Variants in CELF2 observed in about 807,000 individuals in gnomAD.
CELF2 encodes the protein CUG triplet repeat RNA-binding protein 2.
Under a neutral mutation model 62.6 loss-of-function variants are expected in CELF2, and 8 were observed. That is an observed-to-expected ratio of 0.13 (90% CI 0.07 to 0.23). CELF2 has a LOEUF of 0.23. Among genes scored for constraint, CELF2 ranks in the 10% least tolerant of loss-of-function variants. The pLI is 1.00. For synonymous variants in CELF2, 258 were observed against 250.0 expected, an observed-to-expected ratio of 1.03 and a Z score of -0.30; for missense variants, 333 against 671.0, an observed-to-expected ratio of 0.50 and a Z score of 5.56.
the CELF2 span, among the ~76,000 whole-genome samples, chr10:10,753,135 G>A: frequency 6.6e-6 from 1 of 152,194 alleles, no homozygotes; most frequent in Non-Finnish European, 1.5e-5. Context: ...ATTGCTTGGT[G>A]AAATGTTTGT....
chr10:11,090,170 T>A (rs12243695), intron 1 of CELF2, among the ~76,000 whole-genome samples: 9,906 of 146,612 alleles, frequency 0.068, 1,090 homozygotes, highest in African/African-American at 0.23. Flanking sequence ...AATCCCTGAA[T>A]CTAAAATGAA....
At chr10:10,679,062 G>C in the CELF2 span, among the ~76,000 whole-genome samples, 1 of 152,124 alleles carries the variant, frequency 6.6e-6, no homozygotes, top group Admixed American at 6.5e-5. Context: ...GGGATTTCAG[G>C]AGAGTTTTGT....
In CELF2 at chr10:10,997,224, G is replaced by A. The variant is rs1341945844; in HGVS notation, c.89+77225G>A. Among the ~76,000 whole-genome samples the A allele has an allele frequency of 2.0e-5, 3 of 152,164 alleles. No homozygotes were observed. Among genetic ancestry groups the A allele is most frequent in the Non-Finnish European group, 4.4e-5 (3 of 68,034 alleles). On this transcript the variant is annotated intron_variant, in intron 2 of 13. Coordinates refer to the CELF2 transcript ENST00000636488. The surrounding 1 kb of genome is among the most constrained non-coding windows in gnomAD (Gnocchi z 5.3). The stretch of plus-strand genomic sequence containing the variant: ...TGTGGGTGATAATGCAGATTTACGG[G>A]ATGGCTCTCATAGCTAAGTGATGCA...
At position 11,039,418 on chromosome 10, in the gene CELF2, C is replaced by A. The variant is rs2061461904; in HGVS notation, c.74+21255C>A. Among the ~76,000 whole-genome samples the A allele has an allele frequency of 6.6e-6, 1 of 152,194 alleles. No homozygotes were observed. The highest frequency in any genetic ancestry group is 2.4e-5 in the African/African-American group (1 of 41,436). ...TTTGGACTATTCCTCCAACCTACTT[C>A]TTATGCTGGTTGTGTGAATTATACC... On this transcript the variant is annotated intron_variant, in intron 1 of 12. Coordinates refer to ENST00000633077, the MANE Select transcript of CELF2 (RefSeq NM_001326342.2). The surrounding 1 kb of genome is among the most constrained non-coding windows in gnomAD (Gnocchi z 4.1).
At chr10:10,986,453 G>A (rs1038640999) in intron 2 of CELF2, among the ~76,000 whole-genome samples, 7 of 152,090 alleles carry the variant, frequency 4.6e-5, no homozygotes, top group South Asian at 2.1e-4. Context: ...AGATAAATGC[G>A]TTACATTAAA....
At chr10:10,925,405 A>T (rs894438922) in intron 2 of CELF2, among the ~76,000 whole-genome samples, 2 of 151,920 alleles carry the variant, frequency 1.3e-5, no homozygotes, top group Admixed American at 6.6e-5. Context: ...CACTAAGTAT[A>T]TGCCAAGCAT....
At position 10,993,421 on chromosome 10, in the gene CELF2, C is replaced by T. The variant is rs1439600235; in HGVS notation, c.89+73422C>T. Among the ~76,000 whole-genome samples the T allele has an allele frequency of 1.3e-5, 2 of 152,006 alleles. No individual in the cohort carries two copies. ...TTTGAACTGCAACTGTAAGGATGAG[C>T]AGGAGTTAACTGGGAAGGGGAAATG... On this transcript the variant is annotated intron_variant, in intron 2 of 13. Coordinates refer to the CELF2 transcript ENST00000636488. This position sits in a 1 kb window ranked among gnomAD's most constrained non-coding sequence, Gnocchi z 5.3.
the CELF2 span, among the ~76,000 whole-genome samples, chr10:10,573,159 G>A: frequency 6.6e-6 from 1 of 152,202 alleles, no homozygotes. Flanking sequence ...CTTTTGAGAA[G>A]TGTAGGTTCA....
At position 10,986,183 on chromosome 10, in the gene CELF2, A is replaced by AT. The variant is rs2052727098; in HGVS notation, c.89+66184_89+66185insT. On this transcript the variant is annotated intron_variant, in intron 2 of 13. Transcript: ENST00000636488. ...ATCTATACAGTGTAAAACTTTTTAT[A>AT]AAAAAAAAAGGTATATTCTCTGTAT... Among the ~76,000 whole-genome samples the AT allele has an allele frequency of 6.3e-5, 9 of 143,266 alleles. No individual in the cohort carries two copies. In the South Asian group the frequency reaches 2.0e-3, roughly 31 times the overall value. 94.0% of individuals were successfully genotyped at this position (143,266 alleles called of 152,430 possible). A position where few individuals can be genotyped will look rare whatever the true frequency, so the allele number is the denominator to read the frequency against.
At chr10:10,661,362 T>C in the CELF2 span, among the ~76,000 whole-genome samples, 1 of 152,228 alleles carries the variant, frequency 6.6e-6, no homozygotes, top group Non-Finnish European at 1.5e-5. Context: ...TATTGCTGAG[T>C]TGGATTCGGT....
Position 11,233,451 on chromosome 10 carries a change from C to T in CELF2, c.355-15702C>T, listed in dbSNP as rs116001719. Among the ~76,000 whole-genome samples, 1,323 of 152,290 alleles carry T rather than the reference C, an allele frequency of 8.7e-3. 18 individuals are homozygous for T. The highest frequency in any genetic ancestry group is 0.03 in the African/African-American group (1,267 of 41,546). ...TTAGGTCCCAGTGATCCCAGGCTTC[C>T]GCTACCTCTACAGGCTGCTGCCAGC... is the stretch of plus-strand genomic sequence containing the variant. On this transcript the variant is annotated intron_variant, in intron 3 of 12. Coordinates refer to ENST00000633077, the MANE Select transcript of CELF2 (RefSeq NM_001326342.2).
At position 11,280,140 on chromosome 10, in the gene CELF2, A is replaced by T. The variant is rs2087821441; in HGVS notation, c.841+5020A>T. Among the ~76,000 whole-genome samples the T allele has an allele frequency of 6.6e-6, 1 of 152,126 alleles. No individual in the cohort carries two copies. The highest frequency in any genetic ancestry group is 2.4e-5 in the African/African-American group (1 of 41,418). On this transcript the variant is annotated intron_variant, in intron 8 of 12. Coordinates refer to ENST00000633077, the MANE Select transcript of CELF2 (RefSeq NM_001326342.2). The surrounding 1 kb of genome is among the most constrained non-coding windows in gnomAD (Gnocchi z 7.6). ...GGAGGCGCCTGGGAGAGGGGCTGAG[A>T]TGGGGAAAGGACGGGGCACCCACAT...
the CELF2 span, among the ~76,000 whole-genome samples, chr10:10,482,926 T>G: frequency 6.6e-6 from 1 of 152,084 alleles, no homozygotes; most frequent in African/African-American, 2.4e-5. Context: ...AACTAGCCAG[T>G]TTTAAACCTG....
the CELF2 span, among the ~76,000 whole-genome samples, chr10:10,489,108 C>T: frequency 6.6e-6 from 1 of 152,080 alleles, no homozygotes; most frequent in African/African-American, 2.4e-5. Context: ...TGTCAAGAAG[C>T]TCTAGACATC....
the CELF2 span, among the ~76,000 whole-genome samples, chr10:10,666,861 C>CAAAAAAAAAAAAAA: frequency 4.0e-5 from 1 of 25,214 alleles, no homozygotes; most frequent in Non-Finnish European, 7.2e-5. Context: ...GACTCCGTCT[C>CAAAAAAAAAAAAAA]AAAAAAAAAA....
chr10:10,914,337 T>TA (rs889267586), intron 1 of CELF2, among the ~76,000 whole-genome samples: 1 of 152,148 alleles, frequency 6.6e-6, no homozygotes, highest in Admixed American at 6.5e-5. Context: ...CAACACTTCC[T>TA]AAAAAAAGAA....
chr10:10,519,682 C>G, the CELF2 span, among the ~76,000 whole-genome samples: 1 of 152,172 alleles, frequency 6.6e-6, no homozygotes, highest in African/African-American at 2.4e-5. Context: ...AGATGCTGAG[C>G]TAGGCCAAAC....
chr10:11,163,396 C>T (rs2066179277), intron 1 of CELF2, among the ~76,000 whole-genome samples: 1 of 152,196 alleles, frequency 6.6e-6, no homozygotes, highest in Non-Finnish European at 1.5e-5. Flanking sequence ...TCTCAACCCC[C>T]GACAGGGTGT....
intron 1 of CELF2, among the ~76,000 whole-genome samples, chr10:11,009,341 G>A (rs962783061): frequency 2.0e-5 from 3 of 151,456 alleles, no homozygotes; most frequent in African/African-American, 7.3e-5. Flanking sequence ...GTGTGTGCGC[G>A]TGTGTGTGAG....
Sources: allele counts gnomAD v4.1 joint callset (sites outside exome capture counted in the v4.1 genomes callset), GRCh38; gene constraint gnomAD v4.1.1; non-coding constraint Gnocchi (gnomAD v3.1); transcripts MANE v1.5; gene names NCBI Gene and HGNC (gene_info 2026-07-23, HGNC 2026-07-21).